Variants in PDE10A observed in about 807,000 individuals in gnomAD.
The protein encoded by PDE10A is phosphodiesterase 10A.
A neutral mutation model predicts 97.7 loss-of-function variants in PDE10A; 39 were observed. The ratio of observed to expected loss-of-function variants is 0.40; its 90% CI spans 0.31 to 0.52. The LOEUF is 0.52. Among genes scored for constraint, PDE10A ranks in the 20% least tolerant of loss-of-function variants. PDE10A has a pLI of 0.56. For missense variants in PDE10A, 731 were observed against 1,047.8 expected (o/e 0.70, Z 4.17); for synonymous variants, 371 against 376.8 (o/e 0.98, Z 0.18).
chr6:165,507,504 T>C (rs1781266579), intron 2 of PDE10A, among the ~76,000 whole-genome samples: 1 of 152,098 alleles, frequency 6.6e-6, no homozygotes, highest in Non-Finnish European at 1.5e-5. Flanking sequence ...GACACCCCAG[T>C]ATCCAACTAC....
rs571237814 is a variant in PDE10A at position 165,608,465 on chromosome 6, T to C, written c.865+53482A>G. On this transcript the variant is annotated intron_variant, in intron 1 of 21. Coordinates refer to ENST00000539869, the MANE Select transcript of PDE10A (RefSeq NM_001385079.1). ...TCATCCTTTTTTTATGGCTGCATAG[T>C]ATTCCATGGTGTATATGTGTCACAT... Among the ~76,000 whole-genome samples the C allele has an allele frequency of 4.6e-3, 704 of 152,284 alleles. 11 individuals are homozygous for C. Among genetic ancestry groups the C allele is most frequent in the African/African-American group, 0.016 (673 of 41,546 alleles).
intron 1 of PDE10A, among the ~76,000 whole-genome samples, chr6:165,756,332 T>A (rs917945728): frequency 7.2e-5 from 11 of 152,140 alleles, no homozygotes; most frequent in Admixed American, 2.0e-4. Context: ...TGTTCAAAAA[T>A]TTTTTAAAAA....
At chr6:165,462,172 A>G (rs1778363809) in intron 3 of PDE10A, among the ~76,000 whole-genome samples, 1 of 152,248 alleles carries the variant, frequency 6.6e-6, no homozygotes, top group African/African-American at 2.4e-5. Context: ...TATTAAACAC[A>G]TTACTGGTAT....
rs146955744 is a variant in PDE10A, at chr6:165,455,398, C to T, written c.1024-5036G>A. Among the ~76,000 whole-genome samples, 1,500 of 152,214 alleles carry T rather than the reference C, an allele frequency of 9.9e-3. 24 individuals carry two copies. The highest frequency in any genetic ancestry group is 0.034 in the African/African-American group (1,404 of 41,546). ...ACATACTCAGCAGCAGACAGAACTC[C>T]GCACTGAAGGATCCCCACGTAGGAA... On this transcript the variant is annotated intron_variant, in intron 3 of 21. Coordinates refer to ENST00000539869, the MANE Select transcript of PDE10A (RefSeq NM_001385079.1).
At chr6:165,912,154 TCTAA>T (rs1481756814) in intron 1 of PDE10A, among the ~76,000 whole-genome samples, 1 of 151,760 alleles carries the variant, frequency 6.6e-6, no homozygotes, top group Non-Finnish European at 1.5e-5. Context: ...TATCTAACTA[TCTAA>T]CTCTCTCTCT....
intron 1 of PDE10A, among the ~76,000 whole-genome samples, chr6:165,751,910 C>A (rs1793010193): frequency 6.6e-6 from 1 of 151,828 alleles, no homozygotes; most frequent in South Asian, 2.1e-4. Flanking sequence ...GAGGCCAAGG[C>A]AGGTGGATCA....
chr6:165,533,003 C>CATGG (rs1782876282), intron 2 of PDE10A, among the ~76,000 whole-genome samples: 1 of 152,152 alleles, frequency 6.6e-6, no homozygotes, highest in South Asian at 2.1e-4. Flanking sequence ...AGACAGAGAG[C>CATGG]ATGGACTCAG....
At chr6:165,556,216 G>A (rs1784247329) in intron 1 of PDE10A, among the ~76,000 whole-genome samples, 1 of 152,162 alleles carries the variant, frequency 6.6e-6, no homozygotes, top group African/African-American at 2.4e-5. Context: ...TCCCTGCATT[G>A]CTCAAGGGTC....
intron 2 of PDE10A, among the ~76,000 whole-genome samples, chr6:165,515,812 G>A (rs1036181852): frequency 4.6e-5 from 7 of 152,034 alleles, no homozygotes; most frequent in Non-Finnish European, 8.8e-5. Flanking sequence ...GTGAGCCAAC[G>A]CGCCCGGCCT....
chr6:165,394,379 C>T (rs952023311), intron 15 of PDE10A, among the ~76,000 whole-genome samples: 3 of 152,080 alleles, frequency 2.0e-5, no homozygotes, highest in African/African-American at 7.2e-5. Flanking sequence ...CATCCATGTC[C>T]CTGCAAAGGA....
chr6:165,567,211 A>G (rs1346567918), intron 1 of PDE10A, among the ~76,000 whole-genome samples: 1 of 152,214 alleles, frequency 6.6e-6, no homozygotes, highest in African/African-American at 2.4e-5. Flanking sequence ...TAAATACTGC[A>G]TGAGTCTATT....
At chr6:165,822,620 A>G (rs1437316480) in intron 1 of PDE10A, among the ~76,000 whole-genome samples, 3 of 152,196 alleles carry the variant, frequency 2.0e-5, no homozygotes, top group Non-Finnish European at 4.4e-5. Context: ...AAGCTTAAAA[A>G]AAAAAAAAGA....
intron 5 of PDE10A, among the ~76,000 whole-genome samples, chr6:165,445,620 T>A (rs1280205450): frequency 6.6e-6 from 1 of 152,224 alleles, no homozygotes; most frequent in Non-Finnish European, 1.5e-5. Context: ...CAGATTATTT[T>A]GAAATTAGTA....
chr6:165,581,593 G>A (rs1036898326), intron 1 of PDE10A, among the ~76,000 whole-genome samples: 9 of 152,186 alleles, frequency 5.9e-5, no homozygotes, highest in South Asian at 4.1e-4. Flanking sequence ...CCCAGTCTGT[G>A]GTACTTGTTG....
At chr6:165,750,071 T>C (rs1792961923) in intron 1 of PDE10A, among the ~76,000 whole-genome samples, 1 of 152,124 alleles carries the variant, frequency 6.6e-6, no homozygotes, top group Non-Finnish European at 1.5e-5. Flanking sequence ...GGCCTGCTGA[T>C]ATGAGGTGGG....
intron 2 of PDE10A, among the ~76,000 whole-genome samples, chr6:165,512,018 C>T (rs750857931): frequency 2.6e-5 from 4 of 151,904 alleles, no homozygotes; most frequent in Non-Finnish European, 5.9e-5. Flanking sequence ...TTAATCTATT[C>T]ACATTCAAAG....
At chr6:165,566,357 A>G (rs1784779649) in intron 1 of PDE10A, among the ~76,000 whole-genome samples, 1 of 152,220 alleles carries the variant, frequency 6.6e-6, no homozygotes. Context: ...ATGCAAATTC[A>G]AACAACAGTG....
rs551190407 is a variant in PDE10A at position 165,953,540 on chromosome 6, G to A, written c.-615+33989C>T. On this transcript the variant is annotated intron_variant, in intron 1 of 19. Transcript: ENST00000366882. ...CAGGAAGCGGAGGTTGCACCAAGAC[G>A]AGATTGTGCCACTGCACTCCAGCCT... 3.8e-4 allele frequency among the ~76,000 whole-genome samples: 58 copies of A among 151,836 alleles called. 1 individual carries two copies. The South Asian group carries it at 8.1e-3, about 21-fold the overall frequency.
At chr6:165,530,615 C>G (rs200067028) in intron 2 of PDE10A, among the ~76,000 whole-genome samples, 1 of 125,234 alleles carries the variant, frequency 8.0e-6, no homozygotes, top group East Asian at 2.3e-4. Context: ...ATGTACCCCC[C>G]CCACGAATCT....
Sources: gnomAD v4.1 joint callset for allele counts (sites outside exome capture counted in the v4.1 genomes callset) on GRCh38, gnomAD v4.1.1 for gene constraint, MANE v1.5 for transcripts, NCBI Gene and HGNC (gene_info 2026-07-23, HGNC 2026-07-21) for gene names.